Variants in SLC6A7 observed in about 807,000 individuals in gnomAD.
SLC6A7 encodes the protein sodium-dependent proline transporter.
In SLC6A7, 58 loss-of-function variants were observed where a neutral mutation model predicts 73.1. That is an observed-to-expected ratio of 0.79 (90% CI 0.64 to 0.99). SLC6A7 has a LOEUF of 0.99. Ranked by LOEUF, SLC6A7 falls within the 50% of genes least tolerant of loss-of-function variation. The probability of loss-of-function intolerance (pLI) is 0.00; values close to 1 mark genes in which losing one functional copy is unlikely to be tolerated. For synonymous variants in SLC6A7, 338 were observed against 338.7 expected (o/e 1.00, Z 0.02); for missense variants, 783 against 831.4 (o/e 0.94, Z 0.72).
intron 8 of SLC6A7, 21 bp from the exon 9 acceptor site, chr5:150,203,646 C>T (rs771160145): frequency 3.8e-6 from 5 of 1,315,736 alleles, no homozygotes; most frequent in South Asian, 2.3e-5. Context: ...AAGCTGCTGA[C>T]CCCGTGTGCC....
At position 150,205,520 on chromosome 5, in the gene SLC6A7, C is replaced by A. The variant is rs2113987230; in HGVS notation, c.1598C>A (p.Pro533His). ...PSEYGSYRFP[P>H]WAELLGILMG... ...GAGTATGGCAGTTACCGCTTCCCGC[C>A]CTGGGCTGAGCTGCTGGGCATCCTG... Residue 533 changes from proline to histidine, a missense_variant, in exon 13 of 14, where the codon CCC becomes CAC. Physicochemically the swap from Pro to His is moderately conservative, Grantham distance 77. Coordinates refer to ENST00000230671, the MANE Select transcript of SLC6A7 (RefSeq NM_014228.5). 2 of 1,613,762 alleles carry A rather than the reference C, an allele frequency of 1.2e-6. No individual in the cohort carries two copies. The highest frequency in any genetic ancestry group is 4.5e-5 in the East Asian group (2 of 44,882).
At chr5:150,209,363 C>A (rs78984787) in intron 13 of SLC6A7, 43 bp from the exon 14 acceptor site, 30,604 of 1,539,720 alleles carry the variant, frequency 0.02, 1,805 homozygotes, top group Admixed American at 0.2. Flanking sequence ...TCCACCAGCG[C>A]TGCCTGTTTC....
At position 150,201,191 on chromosome 5, in the gene SLC6A7, A is replaced by G. The variant is rs980846876; in HGVS notation, c.826A>G (p.Thr276Ala). 2.5e-6 allele frequency: 4 copies of G among 1,608,466 alleles called. No individual in the cohort carries two copies. In the South Asian group the frequency reaches 4.4e-5, roughly 18 times the overall value. Residue 276 changes from threonine to alanine, a missense_variant, in exon 6 of 14, where the codon ACC becomes GCC. Transcript: ENST00000230671. ...GAWKGIQFYL[T>A]PQFHHLLSSK... is the part of the protein sequence containing the mutation. The stretch of plus-strand genomic sequence containing the variant: ...CTGGAAGGGCATCCAGTTCTATCTC[A>G]CCCCCCAGTTCCACCACTTGTTGTC...
In SLC6A7 at chr5:150,204,607, T is replaced by C. The variant is rs749615003; in HGVS notation, c.1408T>C (p.Cys470Arg). Residue 470 changes from cysteine (C) to arginine (R), a missense_variant, in exon 11 of 14, where the codon TGC becomes CGC. Cys to Arg is a radical substitution (Grantham distance 180). Transcript: ENST00000230671. ...GCTGATGGTGGTGGTTATCACCACG[T>C]GCCTTGCCGTGACACGGGTGTATGG... ...FGLMVVVITT[C>R]LAVTRVYGIQ... The C allele has an allele frequency of 6.2e-7, 1 of 1,612,192 alleles. No homozygotes were observed. The highest frequency in any genetic ancestry group is 1.1e-5 in the South Asian group (1 of 91,042).
At chr5:150,195,532 T>G (rs1008659421) in intron 2 of SLC6A7, among the ~76,000 whole-genome samples, 1 of 152,240 alleles carries the variant, frequency 6.6e-6, no homozygotes, top group Non-Finnish European at 1.5e-5. Context: ...ACCCTGGTGA[T>G]GACCCTATTG....
At chr5:150,207,947 C>G (rs1281773649) in intron 13 of SLC6A7, among the ~76,000 whole-genome samples, 2 of 150,132 alleles carry the variant, frequency 1.3e-5, no homozygotes, top group Non-Finnish European at 1.5e-5. Flanking sequence ...GAGAGGGATA[C>G]AAGGAGGGGT....
In SLC6A7 at chr5:150,194,919, C is replaced by T. The variant is rs202187349; in HGVS notation, c.217+8C>T. On this transcript the variant is annotated splice_region_variant and intron_variant, in intron 2 of 13. Transcript: ENST00000230671. ...CGTACACCAATGGAGGAGGTATGGG[C>T]CTGAGGTCCTGTCGGAGGGTGTCTG... 1.7e-4 allele frequency: 278 copies of T among 1,610,164 alleles called. No individual in the cohort carries two copies. Among genetic ancestry groups the T allele is most frequent in the Admixed American group, 4.3e-4 (26 of 59,974 alleles).
rs1296149550 is a variant in SLC6A7, at chr5:150,202,686, AC to A, written c.1072del (p.Gln358LysfsTer2). ...YMSQELGVPV[D>X]QVAKAGPGLA... ...TCTCAGGAGCTGGGCGTGCCTGTGGACCAAGTAGCCAAAGCAGGTGGGCAGG... is the reference window on the plus strand; with the variant it reads ...TCTCAGGAGCTGGGCGTGCCTGTGGACAAGTAGCCAAAGCAGGTGGGCAGG... On this transcript the variant is annotated frameshift_variant, in exon 8 of 14. Coordinates refer to ENST00000230671, the MANE Select transcript of SLC6A7 (RefSeq NM_014228.5). LOFTEE classifies it high-confidence loss of function. 1.9e-6 allele frequency: 3 copies of A among 1,613,994 alleles called. No individual in the cohort carries two copies. In the African/African-American group the frequency reaches 4.0e-5, roughly 22 times the overall value.
intron 6 of SLC6A7, 63 bp from the exon 7 acceptor site, chr5:150,202,284 A>G: frequency 8.8e-7 from 1 of 1,135,996 alleles, no homozygotes; most frequent in Non-Finnish European, 1.3e-6. Context: ...ATCTTCATTC[A>G]CTGCCTTCCT....
chr5:150,202,275 T>C, intron 6 of SLC6A7, 72 bp from the exon 7 acceptor site: 1 of 1,057,768 alleles, frequency 9.5e-7, no homozygotes, highest in East Asian at 2.4e-5. Flanking sequence ...TGTCACACCA[T>C]CTTCATTCAC....
At chr5:150,202,491 AG>A in intron 7 of SLC6A7, 41 bp downstream of exon 7, 2 of 1,610,522 alleles carry the variant, frequency 1.2e-6, no homozygotes, top group Non-Finnish European at 1.7e-6. Flanking sequence ...GGTCCAAAGC[AG>A]GGAGGAGAGT....
At chr5:150,201,269 C>G (rs779904935) in intron 6 of SLC6A7, 46 bp downstream of exon 6, 8 of 1,519,738 alleles carry the variant, frequency 5.3e-6, no homozygotes, top group South Asian at 3.8e-5. Context: ...CAGGCCTGAG[C>G]TGGAGAGTGG....
intron 13 of SLC6A7, among the ~76,000 whole-genome samples, chr5:150,208,762 G>C (rs1238913205): frequency 6.6e-6 from 1 of 152,184 alleles, no homozygotes; most frequent in African/African-American, 2.4e-5. Context: ...ATGTGGTTGA[G>C]GAAGAAGGAA....
chr5:150,201,304 A>T, intron 6 of SLC6A7, 81 bp downstream of exon 6: 6 of 1,017,858 alleles, frequency 5.9e-6, no homozygotes, highest in Non-Finnish European at 8.5e-6. Context: ...GGGACACCGC[A>T]GTACCAGGCA....
Position 150,201,269 on chromosome 5 carries a change from C to A in SLC6A7, c.858+46C>A, listed in dbSNP as rs779904935. The A allele has an allele frequency of 1.3e-5, 19 of 1,519,616 alleles. No individual in the cohort carries two copies. The South Asian group carries it at 2.4e-4, about 19-fold the overall frequency. 94.1% of individuals were successfully genotyped at this position (1,519,616 alleles called of 1,614,324 possible). A position where few individuals can be genotyped will look rare whatever the true frequency, so the allele number is the denominator to read the frequency against. The stretch of plus-strand genomic sequence containing the variant: ...TGCAGAGGGAGGGGCCAGGCCTGAG[C>A]TGGAGAGTGGAAAGAGGGCTCCCTG... On this transcript the variant is annotated intron_variant, in intron 6 of 13. Transcript: ENST00000230671.
In SLC6A7 at chr5:150,201,154, C is replaced by A. The variant is rs776791933; in HGVS notation, c.789C>A (p.Thr263=). 135 of 1,613,668 alleles carry A rather than the reference C, an allele frequency of 8.4e-5. No individual in the cohort carries two copies. Among genetic ancestry groups the A allele is most frequent in the Non-Finnish European group, 1.1e-4 (134 of 1,179,814 alleles). ...ILLMLLVRGV[T]LPGAWKGIQF... Reference sequence around the variant, plus strand: ...TCATGCTGCTGGTCCGCGGAGTCACCCTCCCAGGGGCCTGGAAGGGCATCC... The same window carrying A: ...TCATGCTGCTGGTCCGCGGAGTCACACTCCCAGGGGCCTGGAAGGGCATCC... Residue 263 remains threonine (T), a synonymous_variant, in exon 6 of 14, where the codon ACC becomes ACA. Transcript: ENST00000230671.
chr5:150,204,945 G>A lies in SLC6A7; in HGVS notation c.1533+18G>A. The A allele has an allele frequency of 2.1e-6, 2 of 939,554 alleles. No individual in the cohort carries two copies. Among genetic ancestry groups the A allele is most frequent in the South Asian group, 2.6e-5 (2 of 78,018 alleles). The allele number at this position is 939,554 out of a possible 1,614,324, so 58.2% of individuals were successfully genotyped here. A position where few individuals can be genotyped will look rare whatever the true frequency, so the allele number is the denominator to read the frequency against. ...CGCTCTTGGTAACTGGGGAGGGCGG[G>A]AGGGTTTCTGGCTGGGGCCCCAGAA... On this transcript the variant is annotated intron_variant, in intron 12 of 13. Transcript: ENST00000230671.
chr5:150,197,193 G>A lies in SLC6A7; in HGVS notation c.501G>A (p.Leu167=), dbSNP rs773343187. 6 of 1,613,812 alleles carry A rather than the reference G, an allele frequency of 3.7e-6. No individual in the cohort carries two copies. The highest frequency in any genetic ancestry group is 1.7e-5 in the Admixed American group (1 of 60,012). ...ACTGGTGGAACACAGAACTCTGCCT[G>A]GAGCACAGAGTCTCCAAGGACGGCA... ...CGNWWNTELC[L]EHRVSKDGNG... is the part of the protein sequence containing the mutation. The change falls in exon 4 of 14, where the codon CTG becomes CTA. Residue 167 remains leucine (L), a synonymous_variant. Coordinates refer to ENST00000230671, the MANE Select transcript of SLC6A7 (RefSeq NM_014228.5).
chr5:150,206,282 G>A (rs1753695554), intron 13 of SLC6A7, among the ~76,000 whole-genome samples: 1 of 152,156 alleles, frequency 6.6e-6, no homozygotes, highest in Non-Finnish European at 1.5e-5. Context: ...TGCAGCTTTA[G>A]TGAGCCCGAT....
Sources: allele counts gnomAD v4.1 joint callset (sites outside exome capture counted in the v4.1 genomes callset), GRCh38; gene constraint gnomAD v4.1.1; transcripts MANE v1.5; gene names NCBI Gene and HGNC (gene_info 2026-07-23, HGNC 2026-07-21).